RFC3: variants seen among roughly 807,000 people sequenced by gnomAD.
The protein encoded by RFC3 is A1 38 kDa subunit.
RFC3 carries 41 observed loss-of-function variants against 45.1 expected under a neutral mutation model. The observed-to-expected ratio is 0.91, with a 90% CI of 0.71 to 1.18. The LOEUF (loss-of-function observed/expected upper bound fraction) is 1.18. Among genes scored for constraint, RFC3 ranks in the 50% most tolerant of loss-of-function variants. The pLI is 0.00. For missense variants in RFC3, 423 were observed against 428.1 expected, an observed-to-expected ratio of 0.99 and a Z score of 0.10; for synonymous variants, 149 against 144.0, an observed-to-expected ratio of 1.03 and a Z score of -0.25.
At chr13:33,819,187 T>A (rs2081978875) in intron 1 of RFC3, among the ~76,000 whole-genome samples, 1 of 152,150 alleles carries the variant, frequency 6.6e-6, no homozygotes, top group African/African-American at 2.4e-5. Context: ...CCACCGTGCG[T>A]GGCTGAGATT....
In RFC3 at chr13:33,836,862, G is replaced by T. The variant is rs185163628; in HGVS notation, c.*567G>T. On this transcript the variant is annotated 3_prime_UTR_variant, in exon 9 of 9. Coordinates refer to ENST00000380071, the MANE Select transcript of RFC3 (RefSeq NM_002915.4). ...TTTCAGTGGTTCAGATTAGTATTAGGTCGGTACTAAGAAATAAGCATGTTT... is the reference window on the plus strand; with the variant it reads ...TTTCAGTGGTTCAGATTAGTATTAGTTCGGTACTAAGAAATAAGCATGTTT... 1.6e-3 allele frequency: 1,547 copies of T among 984,288 alleles called. 4 individuals are homozygous for T. The Middle Eastern group carries it at 0.019, about 12-fold the overall frequency. 61.0% of individuals were successfully genotyped at this position (984,288 alleles called of 1,614,324 possible).
chr13:33,898,337 A>G (rs1338607304), intron 8 of RFC3, among the ~76,000 whole-genome samples: 4 of 151,986 alleles, frequency 2.6e-5, no homozygotes, highest in Non-Finnish European at 5.9e-5. Flanking sequence ...AAAACAAGAA[A>G]TCAATTAACA....
chr13:33,860,997 C>G (rs1226586406), intron 8 of RFC3, among the ~76,000 whole-genome samples: 1 of 152,020 alleles, frequency 6.6e-6, no homozygotes, highest in African/African-American at 2.4e-5. Context: ...CTGCTGGGCT[C>G]AAGTGATCCT....
chr13:33,974,011 GGCCATGTGCTCTAA>G, the RFC3 span, among the ~76,000 whole-genome samples: 4 of 152,060 alleles, frequency 2.6e-5, no homozygotes, highest in Non-Finnish European at 5.9e-5. Context: ...CTTTCCCATA[GGCCATGTGCTCTAA>G]GGGCCGAGAT....
chr13:33,899,965 T>G (rs973668775), intron 8 of RFC3, among the ~76,000 whole-genome samples: 5 of 151,798 alleles, frequency 3.3e-5, no homozygotes, highest in Admixed American at 2.0e-4. Context: ...AGGAATCAAT[T>G]TAATTGAATA....
At chr13:33,831,395 G>A in intron 7 of RFC3, 41 bp downstream of exon 7, 1 of 1,020,330 alleles carries the variant, frequency 9.8e-7, no homozygotes, top group Non-Finnish European at 1.6e-6. Context: ...TTCATTATCA[G>A]GATATCATAG....
At chr13:33,948,037 A>G (rs2082965011) in intron 8 of RFC3, among the ~76,000 whole-genome samples, 1 of 152,212 alleles carries the variant, frequency 6.6e-6, no homozygotes. Context: ...TGAGGAGTGA[A>G]ATGTTAATCA....
intron 8 of RFC3, among the ~76,000 whole-genome samples, chr13:33,895,130 C>T (rs2082589397): frequency 7.0e-6 from 1 of 142,004 alleles, no homozygotes; most frequent in South Asian, 2.2e-4. Flanking sequence ...AAAGCCAATG[C>T]AACACAAACA....
intron 8 of RFC3, among the ~76,000 whole-genome samples, chr13:33,904,491 T>G (rs75542450): frequency 0.019 from 2,835 of 152,126 alleles, 71 homozygotes; most frequent in African/African-American, 0.066. Context: ...TTATCATCAT[T>G]CACTAGGCTA....
intron 8 of RFC3, among the ~76,000 whole-genome samples, chr13:33,965,146 C>T (rs571251304): frequency 6.6e-6 from 1 of 152,260 alleles, no homozygotes; most frequent in East Asian, 1.9e-4. Flanking sequence ...GTCAAAGCTA[C>T]TTCAGGAAAC....
At chr13:33,933,047 A>G (rs2082862401) in intron 8 of RFC3, among the ~76,000 whole-genome samples, 1 of 152,152 alleles carries the variant, frequency 6.6e-6, no homozygotes, top group Non-Finnish European at 1.5e-5. Flanking sequence ...CCTTTGAAAA[A>G]TCTGAGATAC....
At chr13:33,960,001 CAG>C (rs1566043240) in intron 8 of RFC3, among the ~76,000 whole-genome samples, 1 of 152,042 alleles carries the variant, frequency 6.6e-6, no homozygotes, top group Non-Finnish European at 1.5e-5. Flanking sequence ...GAGAGAGTGT[CAG>C]GGGAGGTGCC....
Position 33,888,040 on chromosome 13 carries a change from T to C in RFC3, c.879+52823T>C, listed in dbSNP as rs1474936658. Among the ~76,000 whole-genome samples the C allele has an allele frequency of 2.0e-5, 3 of 152,188 alleles. No individual in the cohort carries two copies. In the East Asian group the frequency reaches 5.8e-4, roughly 29 times the overall value. On this transcript the variant is annotated intron_variant, in intron 8 of 8. Transcript: ENST00000434425. The stretch of plus-strand genomic sequence containing the variant: ...TGTTTTGGTTACTGTAGCCTTGTAG[T>C]ATAGTTTGAAGTCAGGTAGCATGAT...
chr13:33,941,496 C>G (rs1251181934), intron 8 of RFC3, among the ~76,000 whole-genome samples: 1 of 151,912 alleles, frequency 6.6e-6, no homozygotes, highest in Non-Finnish European at 1.5e-5. Flanking sequence ...TTCATTTTAC[C>G]TTTGTTTCTG....
chr13:33,836,625 A>C lies in RFC3; in HGVS notation c.*330A>C. 1 of 1,008,278 alleles carries C rather than the reference A, an allele frequency of 9.9e-7. No homozygotes were observed. The highest frequency in any genetic ancestry group is 1.2e-6 in the Non-Finnish European group (1 of 844,574). 62.5% of individuals were successfully genotyped at this position (1,008,278 alleles called of 1,614,324 possible). On this transcript the variant is annotated 3_prime_UTR_variant, in exon 9 of 9. Transcript: ENST00000380071. ...ACCTGCTAAAGGAGATTTACACATT[A>C]GAAAGCAAAGATTATTTTCATTTAT...
chr13:33,952,943 A>G (rs2082999472), intron 8 of RFC3, among the ~76,000 whole-genome samples: 4 of 152,262 alleles, frequency 2.6e-5, no homozygotes, highest in African/African-American at 2.4e-5. Context: ...ATTCCTTTGT[A>G]TGGGGAGACA....
intron 8 of RFC3, among the ~76,000 whole-genome samples, chr13:33,918,860 AAAACGGCG>A (rs2082749765): frequency 1.3e-5 from 2 of 152,146 alleles, no homozygotes; most frequent in Admixed American, 1.3e-4. Flanking sequence ...AAGCCAAGAG[AAAACGGCG>A]ATCAGAAAGT....
intron 8 of RFC3, among the ~76,000 whole-genome samples, chr13:33,915,903 A>T (rs1489090528): frequency 2.9e-4 from 44 of 151,988 alleles, no homozygotes; most frequent in Admixed American, 2.9e-3. Context: ...GGTTCAAGTG[A>T]TTCTCACGCC....
In RFC3 at chr13:33,953,426, T is replaced by A. The variant is rs150235597; in HGVS notation, c.880-12661T>A. On this transcript the variant is annotated intron_variant, in intron 8 of 8. Transcript: ENST00000434425. ...CTCAATGGCAATGTTGTGGTTGAAA[T>A]TGTTGCTCCTAGATAATGAGAAAAG... Among the ~76,000 whole-genome samples, 124 of 151,834 alleles carry A rather than the reference T, an allele frequency of 8.2e-4. 1 individual carries two copies. The highest frequency in any genetic ancestry group is 2.9e-3 in the African/African-American group (120 of 41,412).
Sources: gnomAD v4.1 joint callset for allele counts (sites outside exome capture counted in the v4.1 genomes callset) on GRCh38, gnomAD v4.1.1 for gene constraint, MANE v1.5 for transcripts, NCBI Gene and HGNC (gene_info 2026-07-23, HGNC 2026-07-21) for gene names.